PPARGC1A: variants seen among roughly 807,000 people sequenced by gnomAD.
PPARGC1A encodes the protein PPARG coactivator 1 alpha.
In PPARGC1A, 25 loss-of-function variants were observed where a neutral mutation model predicts 88.7. The ratio of observed to expected loss-of-function variants is 0.28; its 90% CI spans 0.21 to 0.39. The LOEUF is 0.39. Among genes scored for constraint, PPARGC1A ranks in the 10% least tolerant of loss-of-function variants. The pLI is 1.00. For synonymous variants in PPARGC1A, 363 were observed against 355.6 expected, an observed-to-expected ratio of 1.02 and a Z score of -0.24; for missense variants, 880 against 968.7, an observed-to-expected ratio of 0.91 and a Z score of 1.22.
At chr4:24,429,843 G>A in the PPARGC1A span, among the ~76,000 whole-genome samples, 1 of 151,918 alleles carries the variant, frequency 6.6e-6, no homozygotes, top group Non-Finnish European at 1.5e-5. Context: ...TAGAGATGGG[G>A]TTTCACCATG....
the PPARGC1A span, among the ~76,000 whole-genome samples, chr4:24,128,234 C>T: frequency 3.3e-5 from 5 of 152,124 alleles, no homozygotes; most frequent in Non-Finnish European, 7.3e-5. Flanking sequence ...CAGCTCTGGG[C>T]CAATTACTTA....
chr4:24,393,976 A>G, the PPARGC1A span, among the ~76,000 whole-genome samples: 1 of 152,156 alleles, frequency 6.6e-6, no homozygotes, highest in Admixed American at 6.5e-5. Context: ...TATGTTAAAG[A>G]GAAATTTTAT....
the PPARGC1A span, among the ~76,000 whole-genome samples, chr4:24,256,615 T>C: frequency 1.3e-5 from 2 of 152,200 alleles, no homozygotes; most frequent in African/African-American, 2.4e-5. Flanking sequence ...GTAAACAACC[T>C]TAATTCACTT....
At chr4:24,409,734 T>C in the PPARGC1A span, among the ~76,000 whole-genome samples, 1 of 152,170 alleles carries the variant, frequency 6.6e-6, no homozygotes, top group Non-Finnish European at 1.5e-5. Flanking sequence ...GCATGGCTCA[T>C]TTTTGGGGTG....
chr4:24,136,565 C>T, the PPARGC1A span, among the ~76,000 whole-genome samples: 1 of 152,168 alleles, frequency 6.6e-6, no homozygotes, highest in Non-Finnish European at 1.5e-5. Context: ...GGGTCGCCTT[C>T]AGCAGAAGCA....
At chr4:24,445,928 G>T in the PPARGC1A span, among the ~76,000 whole-genome samples, 8 of 152,162 alleles carry the variant, frequency 5.3e-5, no homozygotes, top group Admixed American at 3.3e-4. Flanking sequence ...CTAGCCTGGT[G>T]TGGGGGCATG....
the PPARGC1A span, among the ~76,000 whole-genome samples, chr4:24,437,973 G>A: frequency 2.4e-3 from 359 of 152,160 alleles, 2 homozygotes; most frequent in African/African-American, 7.3e-3. Flanking sequence ...CACTGTGCCC[G>A]GCCTACAGCA....
chr4:24,294,896 C>T, the PPARGC1A span, among the ~76,000 whole-genome samples: 6,063 of 152,270 alleles, frequency 0.04, 169 homozygotes, highest in Admixed American at 0.071. Flanking sequence ...ACTAAGAGGA[C>T]AGTGCAATAA....
chr4:24,014,297 T>C, the PPARGC1A span, among the ~76,000 whole-genome samples: 6 of 152,150 alleles, frequency 3.9e-5, no homozygotes, highest in East Asian at 1.2e-3. Context: ...ATTCACTTAT[T>C]GGTGGAGGTG....
chr4:23,840,790 TTTG>T (rs576748574), intron 2 of PPARGC1A, among the ~76,000 whole-genome samples: 3 of 152,130 alleles, frequency 2.0e-5, no homozygotes, highest in Non-Finnish European at 4.4e-5. Flanking sequence ...TCATTCTTCT[TTTG>T]TTGTTGTTGT....
chr4:24,206,266 C>T, the PPARGC1A span, among the ~76,000 whole-genome samples: 1 of 152,112 alleles, frequency 6.6e-6, no homozygotes, highest in African/African-American at 2.4e-5. Flanking sequence ...AAAACAAGTA[C>T]CCGGACCAGA....
At chr4:24,122,369 ATGTGTGTGTATGCGTATGTGTGTGTGTG>A in the PPARGC1A span, among the ~76,000 whole-genome samples, 1 of 131,444 alleles carries the variant, frequency 7.6e-6, no homozygotes, top group Admixed American at 7.6e-5. Context: ...GTGTATGCGT[ATGTGTGTGTATGCGTATGTGTGTGTGTG>A]TGTGTGTGTG....
chr4:24,378,538 G>C, the PPARGC1A span, among the ~76,000 whole-genome samples: 2 of 151,646 alleles, frequency 1.3e-5, no homozygotes, highest in African/African-American at 2.4e-5. Context: ...CAATTTCACC[G>C]TAACGGATAA....
the PPARGC1A span, among the ~76,000 whole-genome samples, chr4:24,137,902 G>A: frequency 2.6e-5 from 4 of 152,136 alleles, no homozygotes; most frequent in African/African-American, 9.7e-5. Context: ...AAAACGACTT[G>A]ATAATTCTAT....
At chr4:24,183,016 C>T in the PPARGC1A span, among the ~76,000 whole-genome samples, 5 of 152,208 alleles carry the variant, frequency 3.3e-5, no homozygotes, top group East Asian at 3.9e-4. Flanking sequence ...ATAACATAGA[C>T]GACCTCGGGC....
At chr4:24,049,936 C>T in the PPARGC1A span, among the ~76,000 whole-genome samples, 1 of 152,152 alleles carries the variant, frequency 6.6e-6, no homozygotes, top group African/African-American at 2.4e-5. Context: ...GCAATAGTTT[C>T]AAGATTATCC....
chr4:24,113,532 T>G, the PPARGC1A span, among the ~76,000 whole-genome samples: 2 of 152,184 alleles, frequency 1.3e-5, no homozygotes, highest in African/African-American at 4.8e-5. Context: ...TGAGTAGGGA[T>G]CCCTCTTCAT....
the PPARGC1A span, among the ~76,000 whole-genome samples, chr4:24,172,684 G>T: frequency 6.6e-6 from 1 of 152,304 alleles, no homozygotes; most frequent in African/African-American, 2.4e-5. Flanking sequence ...GAAGGGCCTG[G>T]GTTTCGCCTT....
the PPARGC1A span, among the ~76,000 whole-genome samples, chr4:24,307,752 A>G: frequency 5.9e-5 from 9 of 152,240 alleles, no homozygotes; most frequent in African/African-American, 2.2e-4. Context: ...GTTAATTAAC[A>G]GGAACCAGAG....
Sources: allele counts gnomAD v4.1 joint callset (sites outside exome capture counted in the v4.1 genomes callset), GRCh38; gene constraint gnomAD v4.1.1; transcripts MANE v1.5; gene names NCBI Gene and HGNC (gene_info 2026-07-23, HGNC 2026-07-21).